Variants in RIN2 observed in about 807,000 individuals in gnomAD.
RIN2 encodes the protein Ras and Rab interactor 2.
A neutral mutation model predicts 78.0 loss-of-function variants in RIN2; 36 were observed. The observed-to-expected ratio is 0.46, with a 90% confidence interval of 0.35 to 0.61. The LOEUF (loss-of-function observed/expected upper bound fraction) is 0.61. Among genes scored for constraint, RIN2 ranks in the 20% least tolerant of loss-of-function variants. The pLI, the probability that RIN2 is intolerant of heterozygous loss-of-function variation, is 0.00. For synonymous variants in RIN2, 466 were observed against 466.8 expected (o/e 1.00, Z 0.02); for missense variants, 1,087 against 1,159.7 (o/e 0.94, Z 0.91).
At position 19,788,592 on chromosome 20, in the gene RIN2, A is replaced by G. The variant is rs145338124; in HGVS notation, c.-162-11030A>G. Among the ~76,000 whole-genome samples, 1,442 of 144,942 alleles carry G rather than the reference A, an allele frequency of 9.9e-3. 21 individuals are homozygous for G. Among genetic ancestry groups the G allele is most frequent in the African/African-American group, 0.037 (1,367 of 36,524 alleles). On this transcript the variant is annotated intron_variant, in intron 1 of 12. Transcript: ENST00000255006. ...ACTCCAGCCTGGGCAACAAAGCAAG[A>G]CTTTGTCTCGAAAAAAAAAAAAAAA...
At chr20:19,832,713 A>G (rs2036286237) in intron 2 of RIN2, among the ~76,000 whole-genome samples, 1 of 152,206 alleles carries the variant, frequency 6.6e-6, no homozygotes, top group Non-Finnish European at 1.5e-5. Context: ...CAGCAGGTTC[A>G]GTGTCTGGTG....
chr20:19,900,879 G>A (rs2038947311), intron 3 of RIN2, among the ~76,000 whole-genome samples: 1 of 149,144 alleles, frequency 6.7e-6, no homozygotes, highest in Non-Finnish European at 1.5e-5. Context: ...GAACCCGGGA[G>A]GCGGAGGTTG....
intron 2 of RIN2, among the ~76,000 whole-genome samples, chr20:19,848,951 C>A (rs1651104593): frequency 6.6e-6 from 1 of 152,100 alleles, no homozygotes; most frequent in African/African-American, 2.4e-5. Context: ...TAATTCTCTA[C>A]CATCAGTCGG....
chr20:19,962,431 C>T (rs1348574787), intron 6 of RIN2, among the ~76,000 whole-genome samples: 1 of 152,178 alleles, frequency 6.6e-6, no homozygotes, highest in Admixed American at 6.5e-5. Flanking sequence ...TTCCTCTCCT[C>T]TTCCAGAAGT....
chr20:19,785,633 G>A (rs1310740156), intron 1 of RIN2, among the ~76,000 whole-genome samples: 2 of 152,120 alleles, frequency 1.3e-5, no homozygotes, highest in Non-Finnish European at 2.9e-5. Flanking sequence ...ATTTCAGTGG[G>A]GAACATTGTG....
chr20:19,863,820 C>T (rs982210128), intron 2 of RIN2, among the ~76,000 whole-genome samples: 1 of 152,050 alleles, frequency 6.6e-6, no homozygotes, highest in African/African-American at 2.4e-5. Context: ...TGCGGTTCAT[C>T]GGTAGAAAGC....
At chr20:19,960,149 A>G (rs572460318) in intron 5 of RIN2, among the ~76,000 whole-genome samples, 1 of 152,226 alleles carries the variant, frequency 6.6e-6, no homozygotes, top group African/African-American at 2.4e-5. Flanking sequence ...ATATCATCTC[A>G]TTTTCCAAGA....
At chr20:19,965,722 C>T (rs1413520394) in intron 7 of RIN2, among the ~76,000 whole-genome samples, 1 of 152,150 alleles carries the variant, frequency 6.6e-6, no homozygotes, top group Non-Finnish European at 1.5e-5. Context: ...AGCAATTCTC[C>T]CGACTCAGCC....
chr20:19,787,422 TAAAAAAAAAAA>T (rs541323014), intron 1 of RIN2, among the ~76,000 whole-genome samples: 7 of 85,876 alleles, frequency 8.2e-5, no homozygotes, highest in African/African-American at 2.3e-4. Flanking sequence ...GACTCCATCT[TAAAAAAAAAAA>T]AAAAAAAAAA....
intron 3 of RIN2, among the ~76,000 whole-genome samples, chr20:19,914,161 A>G (rs568699560): frequency 6.6e-6 from 1 of 152,356 alleles, no homozygotes. Context: ...CAAGCAAACT[A>G]GTTGTCAGGG....
intron 1 of RIN2, among the ~76,000 whole-genome samples, chr20:19,767,981 T>G (rs1207113962): frequency 6.7e-6 from 1 of 150,210 alleles, no homozygotes; most frequent in Non-Finnish European, 1.5e-5. Context: ...AGACGGAGGA[T>G]GTGACCCAGA....
At chr20:19,935,715 G>A (rs969404439) in intron 4 of RIN2, 3 of 663,736 alleles carry the variant, frequency 4.5e-6, no homozygotes, top group African/African-American at 2.0e-5. Flanking sequence ...AAGGCGGCGT[G>A]CTGTGCTGTT....
At chr20:19,785,451 T>G (rs1317477914) in intron 1 of RIN2, among the ~76,000 whole-genome samples, 1 of 152,192 alleles carries the variant, frequency 6.6e-6, no homozygotes, top group African/African-American at 2.4e-5. Context: ...TTGACTGAAC[T>G]CCGGAGAGGA....
chr20:19,995,687 G>A (rs534776735), intron 11 of RIN2, among the ~76,000 whole-genome samples: 8 of 149,922 alleles, frequency 5.3e-5, no homozygotes, highest in Non-Finnish European at 1.0e-4. Context: ...CCCAAAGGAA[G>A]GGGGGGGTAA....
intron 1 of RIN2, among the ~76,000 whole-genome samples, chr20:19,771,191 C>T (rs2034107314): frequency 6.6e-6 from 1 of 152,104 alleles, no homozygotes; most frequent in South Asian, 2.1e-4. Flanking sequence ...TCAACTTAAC[C>T]TTCAGCCCCT....
chr20:19,783,795 G>T (rs1416200363), intron 1 of RIN2, among the ~76,000 whole-genome samples: 1 of 152,174 alleles, frequency 6.6e-6, no homozygotes, highest in African/African-American at 2.4e-5. Context: ...TGCAGGGCAG[G>T]TGTTCACACT....
chr20:19,978,489 C>T (rs922843985), intron 9 of RIN2, among the ~76,000 whole-genome samples: 2 of 152,202 alleles, frequency 1.3e-5, no homozygotes, highest in African/African-American at 4.8e-5. Flanking sequence ...TGCCCATGTG[C>T]TGGTGTCACT....
chr20:19,823,219 C>T (rs1240122068), intron 2 of RIN2, among the ~76,000 whole-genome samples: 1 of 152,112 alleles, frequency 6.6e-6, no homozygotes, highest in Non-Finnish European at 1.5e-5. Context: ...AAGTTTCTCA[C>T]CTTAATGTCA....
intron 7 of RIN2, among the ~76,000 whole-genome samples, chr20:19,967,219 A>G (rs909480486): frequency 2.0e-5 from 3 of 152,252 alleles, no homozygotes; most frequent in African/African-American, 7.2e-5. Context: ...TGAAAGCCTT[A>G]TAAACTATAA....
Sources: gnomAD v4.1 joint callset for allele counts (sites outside exome capture counted in the v4.1 genomes callset) on GRCh38, gnomAD v4.1.1 for gene constraint, MANE v1.5 for transcripts, NCBI Gene and HGNC (gene_info 2026-07-23, HGNC 2026-07-21) for gene names.